The following ZBTB40 variants were observed in gnomAD, a reference collection of about 807,000 sequenced individuals.
The protein encoded by ZBTB40 is zinc finger and BTB domain-containing protein 40.
In ZBTB40, 60 loss-of-function variants were observed where a neutral mutation model predicts 117.5. The ratio of observed to expected loss-of-function variants is 0.51; its 90% confidence interval spans 0.41 to 0.63. The LOEUF is 0.63. Ranked by LOEUF, ZBTB40 falls within the 30% of genes least tolerant of loss-of-function variation. The pLI is 0.00. For missense variants in ZBTB40, 1,287 were observed against 1,498.5 expected, an observed-to-expected ratio of 0.86 and a Z score of 2.33; for synonymous variants, 525 against 577.1, an observed-to-expected ratio of 0.91 and a Z score of 1.29.
chr1:22,522,945 CTTT>C (rs34232963), intron 16 of ZBTB40, among the ~76,000 whole-genome samples: 4 of 93,908 alleles, frequency 4.3e-5, no homozygotes, highest in Admixed American at 1.4e-4. Flanking sequence ...TAAGATGTAC[CTTT>C]TTTTTTTTTT....
chr1:22,485,001 G>A (rs1337526030), intron 1 of ZBTB40, among the ~76,000 whole-genome samples: 1 of 152,146 alleles, frequency 6.6e-6, no homozygotes, highest in Non-Finnish European at 1.5e-5. Flanking sequence ...AGTCCCATTT[G>A]GCTATGATGT....
At chr1:22,511,542 C>G in intron 10 of ZBTB40, 134 bp from the exon 11 acceptor site, 1 of 1,238,992 alleles carries the variant, frequency 8.1e-7, no homozygotes. Flanking sequence ...GTAAGGAGGA[C>G]AATGATATTA....
chr1:22,474,814 T>G (rs1258289814), intron 1 of ZBTB40, among the ~76,000 whole-genome samples: 1 of 152,140 alleles, frequency 6.6e-6, no homozygotes, highest in African/African-American at 2.4e-5. Context: ...AGTAATGAAC[T>G]TCTGTTCGGT....
chr1:22,459,845 T>G (rs1641089813), intron 1 of ZBTB40, among the ~76,000 whole-genome samples: 1 of 152,204 alleles, frequency 6.6e-6, no homozygotes, highest in Non-Finnish European at 1.5e-5. Context: ...TGGTCTGTCT[T>G]TTCATTTGCT....
At chr1:22,485,507 T>G (rs1638441727) in intron 1 of ZBTB40, among the ~76,000 whole-genome samples, 1 of 151,642 alleles carries the variant, frequency 6.6e-6, no homozygotes, top group East Asian at 1.9e-4. Context: ...TATTTTTTTT[T>G]CTTTGTTACC....
At chr1:22,449,974 G>A (rs1336505033), upstream of ZBTB40, among the ~76,000 whole-genome samples, 1 of 148,952 alleles carries the variant, frequency 6.7e-6, no homozygotes, top group African/African-American at 2.5e-5. Context: ...ACGGAGTCTC[G>A]CTCTCGTTGC....
At chr1:22,493,127 C>T (rs561331183) in intron 3 of ZBTB40, among the ~76,000 whole-genome samples, 1 of 152,276 alleles carries the variant, frequency 6.6e-6, no homozygotes, top group South Asian at 2.1e-4. Flanking sequence ...GTCTGTTATA[C>T]ATGCATTCGT....
rs935204002 is a variant in ZBTB40, at chr1:22,513,663, T to G, written c.2668+533T>G. Among the ~76,000 whole-genome samples the G allele has an allele frequency of 6.6e-6, 1 of 152,140 alleles. No individual in the cohort carries two copies. Among genetic ancestry groups the G allele is most frequent in the African/African-American group, 2.4e-5 (1 of 41,416 alleles). On this transcript the variant is annotated intron_variant, in intron 12 of 17. Transcript: ENST00000375647. The surrounding 1 kb of genome is among the most constrained non-coding windows in gnomAD (Gnocchi z 4.9). ...TTGCAGTGAGCTGAGATTGTGCCAC[T>G]GCACTCCAGCCTGGGCAACAGAGTG...
chr1:22,511,255 C>T lies in ZBTB40; in HGVS notation c.1910C>T (p.Ser637Leu). 1 of 1,614,080 alleles carries T rather than the reference C, an allele frequency of 6.2e-7. No homozygotes were observed. Among genetic ancestry groups the T allele is most frequent in the Non-Finnish European group, 8.5e-7 (1 of 1,180,026 alleles). Residue 637 changes from serine (S) to leucine (L), a missense_variant, in exon 10 of 18, where the codon TCA becomes TTA. Ser to Leu is a moderately radical substitution (Grantham distance 145). Coordinates refer to ENST00000375647, the MANE Select transcript of ZBTB40 (RefSeq NM_014870.4). ...GTGCTGAGCAGAGCCATGGAAAAAT[C>T]AGTCCCGGCCATTGAAATATGCCAC... ...RAVLSRAMEK[S>L]VPAIEICHLL...
At chr1:22,503,133 A>T (rs1200618401) in intron 5 of ZBTB40, among the ~76,000 whole-genome samples, 2 of 151,460 alleles carry the variant, frequency 1.3e-5, no homozygotes, top group African/African-American at 4.9e-5. Flanking sequence ...TTGCTATTAA[A>T]AGTGATGTTG....
intron 1 of ZBTB40, among the ~76,000 whole-genome samples, chr1:22,487,726 CAT>C (rs1043057332): frequency 2.0e-5 from 3 of 152,094 alleles, no homozygotes; most frequent in East Asian, 1.9e-4. Context: ...ATTCTGTACA[CAT>C]GTTACTTAGG....
At chr1:22,520,040 A>G (rs28716461) in intron 13 of ZBTB40, 21 bp from the exon 14 acceptor site, 9 of 1,610,592 alleles carry the variant, frequency 5.6e-6, no homozygotes, top group Non-Finnish European at 4.2e-6. Flanking sequence ...TCTTCCTCTC[A>G]TGGATGTCCC....
At chr1:22,477,040 A>G (rs1222382512) in intron 1 of ZBTB40, among the ~76,000 whole-genome samples, 1 of 152,198 alleles carries the variant, frequency 6.6e-6, no homozygotes, top group African/African-American at 2.4e-5. Flanking sequence ...TATATTAGAG[A>G]CTTTTACATT....
At chr1:22,433,097 ATGTT>A (rs2124359825) in intron 1 of ZBTB40, among the ~76,000 whole-genome samples, 2 of 152,208 alleles carry the variant, frequency 1.3e-5, no homozygotes, top group South Asian at 4.2e-4. Context: ...CAGATCGAAA[ATGTT>A]TGGGGAAAAA....
intron 1 of ZBTB40, among the ~76,000 whole-genome samples, chr1:22,467,147 T>C (rs2124398088): frequency 6.6e-6 from 1 of 152,318 alleles, no homozygotes; most frequent in South Asian, 2.1e-4. Flanking sequence ...TTCTGATAGA[T>C]TCCTAGAAGT....
chr1:22,502,113 T>C (rs1325531099), intron 4 of ZBTB40, among the ~76,000 whole-genome samples, 186 bp from the exon 5 acceptor site: 1 of 152,232 alleles, frequency 6.6e-6, no homozygotes, highest in Non-Finnish European at 1.5e-5. Context: ...GAAACATTTT[T>C]CCTTTCATAG....
intron 1 of ZBTB40, among the ~76,000 whole-genome samples, chr1:22,463,569 G>A (rs1336910071): frequency 6.6e-6 from 1 of 152,190 alleles, no homozygotes; most frequent in Non-Finnish European, 1.5e-5. Context: ...GGAAAAGTTG[G>A]CCTTAAGTAT....
intron 3 of ZBTB40, among the ~76,000 whole-genome samples, chr1:22,498,231 A>G (rs1195394412): frequency 6.6e-6 from 1 of 152,238 alleles, no homozygotes; most frequent in Non-Finnish European, 1.5e-5. Context: ...TTCCAAATGT[A>G]TGGTTAAAGA....
chr1:22,501,748 G>A (rs1249301492), intron 4 of ZBTB40, 64 bp downstream of exon 4: 2 of 1,540,970 alleles, frequency 1.3e-6, no homozygotes, highest in Non-Finnish European at 1.8e-6. Flanking sequence ...TATGAAGTTT[G>A]TTCCAATGAC....
Sources: gnomAD v4.1 joint callset for allele counts (sites outside exome capture counted in the v4.1 genomes callset) on GRCh38, gnomAD v4.1.1 for gene constraint, Gnocchi (gnomAD v3.1) non-coding constraint, MANE v1.5 for transcripts, NCBI Gene and HGNC (gene_info 2026-07-23, HGNC 2026-07-21) for gene names.